Variants in NBEAL1 observed in about 807,000 individuals in gnomAD.
The protein encoded by NBEAL1 is neurobeachin like 1.
A neutral mutation model predicts 351.3 loss-of-function variants in NBEAL1; 273 were observed. The ratio of observed to expected loss-of-function variants is 0.78; its 90% CI spans 0.70 to 0.86. The LOEUF is 0.86. NBEAL1 is among the 40% of genes least tolerant of loss of function. The pLI, the probability that NBEAL1 is intolerant of heterozygous loss-of-function variation, is 0.00. For synonymous variants in NBEAL1, 1,050 were observed against 1,086.4 expected (o/e 0.97, Z 0.66); for missense variants, 2,961 against 3,201.3 (o/e 0.92, Z 1.81).
At chr2:203,017,251 GTTAAT>G (rs1296571058) in intron 2 of NBEAL1, among the ~76,000 whole-genome samples, 1 of 152,034 alleles carries the variant, frequency 6.6e-6, no homozygotes, top group African/African-American at 2.4e-5. Flanking sequence ...TACTATTTGA[GTTAAT>G]TTAAGTATGT....
intron 3 of NBEAL1, among the ~76,000 whole-genome samples, chr2:203,044,518 A>T (rs1053947222): frequency 6.6e-6 from 1 of 152,158 alleles, no homozygotes; most frequent in African/African-American, 2.4e-5. Context: ...TTTTCTTGGG[A>T]CACTGTTTCC....
chr2:203,106,127 C>T (rs1417307004), intron 12 of NBEAL1, among the ~76,000 whole-genome samples: 3 of 152,148 alleles, frequency 2.0e-5, no homozygotes, highest in Non-Finnish European at 2.9e-5. Context: ...TGGTAGTTTC[C>T]TCATATGCTG....
In NBEAL1 at chr2:203,135,856, T is replaced by C. The variant is rs558619769; in HGVS notation, c.3993T>C (p.Asp1331=). Residue 1331 remains aspartate (D), a synonymous_variant, in exon 28 of 56, where the codon GAT becomes GAC. Coordinates refer to ENST00000683969, the MANE Select transcript of NBEAL1 (RefSeq NM_001378026.1). ...ATGATAAAAATATGTCAACTGAAGA[T>C]ACCAAGAAGAACTCTGATGAAAAAA... is the stretch of plus-strand genomic sequence containing the variant. The part of the protein sequence containing the change: ...KDNDKNMSTE[D]TKKNSDEKTD... The C allele has an allele frequency of 1.2e-6, 2 of 1,614,072 alleles. No homozygotes were observed. Among genetic ancestry groups the C allele is most frequent in the South Asian group, 1.1e-5 (1 of 91,078 alleles).
chr2:203,190,181 C>G, intron 45 of NBEAL1, 111 bp from the exon 46 acceptor site: 1 of 274,378 alleles, frequency 3.6e-6, no homozygotes, highest in Non-Finnish European at 7.7e-6. Context: ...CACACACACA[C>G]ACACACACAC....
At chr2:203,204,330 T>G (rs971321566) in intron 51 of NBEAL1, among the ~76,000 whole-genome samples, 3 of 148,532 alleles carry the variant, frequency 2.0e-5, no homozygotes, top group Admixed American at 6.7e-5. Flanking sequence ...TTTGGTTTTT[T>G]TTTTTTTTTT....
chr2:203,110,212 T>C lies in NBEAL1; in HGVS notation c.2012T>C (p.Val671Ala). Residue 671 changes from valine (V) to alanine (A), a missense_variant, in exon 15 of 56, where the codon GTG (valine) becomes GCG (alanine). Physicochemically the swap from Val to Ala is moderately conservative, Grantham distance 64 (BLOSUM62 0). Coordinates refer to ENST00000683969, the MANE Select transcript of NBEAL1 (RefSeq NM_001378026.1). Reference protein sequence around the residue: ...AFITHSGMLVVAVCTKREYAT... With the variant: ...AFITHSGMLVAAVCTKREYAT... ...ATTACCCATTCAGGTATGTTGGTCG[T>C]GGCAGTGTGCACAAAAAGAGAATAT... 5 of 1,553,860 alleles carry C rather than the reference T, an allele frequency of 3.2e-6. No homozygotes were observed. Among genetic ancestry groups the C allele is most frequent in the Non-Finnish European group, 4.4e-6 (5 of 1,147,516 alleles).
rs190837042 is a variant in NBEAL1 at position 203,215,971 on chromosome 2, A to G, written c.8071-1282A>G. ...GGTTGCAGTGAGCTGAGGTTGCACC[A>G]CTGCACTACAGTGTGGGCAACAGAG... On this transcript the variant is annotated intron_variant, in intron 55 of 55. Coordinates refer to ENST00000683969, the MANE Select transcript of NBEAL1 (RefSeq NM_001378026.1). Among the ~76,000 whole-genome samples the G allele has an allele frequency of 1.9e-3, 277 of 148,068 alleles. 1 individual carries two copies. The highest frequency in any genetic ancestry group is 3.8e-3 in the Non-Finnish European group (255 of 67,310).
At chr2:203,039,844 G>A (rs2061110086) in intron 2 of NBEAL1, among the ~76,000 whole-genome samples, 1 of 152,178 alleles carries the variant, frequency 6.6e-6, no homozygotes, top group Non-Finnish European at 1.5e-5. Context: ...TAAGGTACTG[G>A]TGTTCATTAG....
At chr2:203,151,197 G>T (rs893648331) in intron 34 of NBEAL1, among the ~76,000 whole-genome samples, 1 of 152,088 alleles carries the variant, frequency 6.6e-6, no homozygotes, top group African/African-American at 2.4e-5. Flanking sequence ...TGGGCGTAGG[G>T]GCACATGCCT....
Position 203,052,719 on chromosome 2 carries a change from G to GTTATTTATTTATTTAT in NBEAL1, c.305+2767_305+2782dup, listed in dbSNP as rs56277425. Among the ~76,000 whole-genome samples, 1,031 of 145,494 alleles carry GTTATTTATTTATTTAT rather than the reference G, an allele frequency of 7.1e-3. 2 individuals are homozygous for GTTATTTATTTATTTAT. The highest frequency in any genetic ancestry group is 0.023 in the East Asian group (113 of 4,848). ...CTACAGGTACATGCCACCATGCCCA[G>GTTATTTATTTATTTAT]TTATTTATTTATTTATTTATTTATT... On this transcript the variant is annotated intron_variant, in intron 4 of 55. Coordinates refer to ENST00000683969, the MANE Select transcript of NBEAL1 (RefSeq NM_001378026.1).
chr2:203,131,915 T>G, intron 25 of NBEAL1, 58 bp from the exon 26 acceptor site: 1 of 1,259,956 alleles, frequency 7.9e-7, no homozygotes, highest in South Asian at 1.8e-5. Context: ...TTTTTAATGT[T>G]AAATGACAAA....
chr2:203,153,848 T>G (rs774154623), intron 35 of NBEAL1, among the ~76,000 whole-genome samples: 1 of 152,210 alleles, frequency 6.6e-6, no homozygotes, highest in Non-Finnish European at 1.5e-5. Context: ...TTCCCTCTGT[T>G]TTTTCCTCTC....
chr2:203,110,892 A>G (rs977823426), intron 15 of NBEAL1, among the ~76,000 whole-genome samples: 2 of 150,518 alleles, frequency 1.3e-5, no homozygotes, highest in Admixed American at 6.6e-5. Flanking sequence ...CAGCCTCCCA[A>G]GTAGCTGGGA....
chr2:203,190,178 ACACACACACACACACACAC>A, intron 45 of NBEAL1, 95 bp from the exon 46 acceptor site: 1 of 80,476 alleles, frequency 1.2e-5, no homozygotes, highest in Non-Finnish European at 3.9e-5. Context: ...ACACACACAC[ACACACACACACACACACAC>A]ACACACACAC....
intron 25 of NBEAL1, 64 bp from the exon 26 acceptor site, chr2:203,131,909 T>A: frequency 8.5e-7 from 1 of 1,170,412 alleles, no homozygotes; most frequent in East Asian, 2.7e-5. Flanking sequence ...TTAACATTTT[T>A]AATGTTAAAT....
intron 36 of NBEAL1, among the ~76,000 whole-genome samples, chr2:203,164,378 A>G (rs898338707): frequency 6.6e-6 from 1 of 151,930 alleles, no homozygotes; most frequent in African/African-American, 2.4e-5. Flanking sequence ...GGTACTGGGT[A>G]GGGGCAGTTA....
At chr2:203,073,686 CTT>C (rs1471372334) in intron 7 of NBEAL1, among the ~76,000 whole-genome samples, 1 of 152,072 alleles carries the variant, frequency 6.6e-6, no homozygotes, top group Non-Finnish European at 1.5e-5. Flanking sequence ...AGTGAACTAG[CTT>C]TTGATTTCAT....
In NBEAL1 at chr2:203,145,145, C is replaced by T. The variant is rs776653219; in HGVS notation, c.5289C>T (p.Ser1763=). ...MHKRDREGGE[S]KLKFQELFVE... is the part of the protein sequence containing the mutation. Reference sequence around the variant, plus strand: ...AACGAGACCGGGAAGGAGGGGAAAGCAAGCTCAAATTTCAGGTAAAAAGTA... The same window carrying T: ...AACGAGACCGGGAAGGAGGGGAAAGTAAGCTCAAATTTCAGGTAAAAAGTA... Residue 1763 remains serine (S), a synonymous_variant, in exon 33 of 56, where the codon AGC becomes AGT. Transcript: ENST00000683969. 9.4e-6 allele frequency: 15 copies of T among 1,599,864 alleles called. No individual in the cohort carries two copies. Among genetic ancestry groups the T allele is most frequent in the Admixed American group, 1.8e-5 (1 of 55,764 alleles).
At chr2:203,086,954 G>A (rs1390318642) in intron 10 of NBEAL1, among the ~76,000 whole-genome samples, 2 of 152,184 alleles carry the variant, frequency 1.3e-5, no homozygotes, top group Non-Finnish European at 2.9e-5. Flanking sequence ...ATCTGCTTAT[G>A]TCACCAAAGT....
Sources: allele counts gnomAD v4.1 joint callset (sites outside exome capture counted in the v4.1 genomes callset), GRCh38; gene constraint gnomAD v4.1.1; transcripts MANE v1.5; gene names NCBI Gene and HGNC (gene_info 2026-07-23, HGNC 2026-07-21).